Variants in GRIN2A observed in about 807,000 individuals in gnomAD.
The protein encoded by GRIN2A is glutamate ionotropic receptor NMDA type subunit 2A, also known as glutamate receptor ionotropic, NMDA 2A.
In GRIN2A, 22 loss-of-function variants were observed where a neutral mutation model predicts 113.4. The ratio of observed to expected loss-of-function variants is 0.19; its 90% confidence interval spans 0.14 to 0.28. GRIN2A has a LOEUF of 0.28. Among genes scored for constraint, GRIN2A ranks in the 10% least tolerant of loss-of-function variants. The pLI, the probability that GRIN2A is intolerant of heterozygous loss-of-function variation, is 1.00. For synonymous variants in GRIN2A, 827 were observed against 738.4 expected (o/e 1.12, Z -1.94); for missense variants, 1,502 against 1,887.0 (o/e 0.80, Z 3.78).
chr16:10,153,191 A>G (rs1034424045), intron 2 of GRIN2A, among the ~76,000 whole-genome samples: 3 of 152,200 alleles, frequency 2.0e-5, no homozygotes, highest in African/African-American at 7.2e-5. Context: ...AGGGATGGCT[A>G]TTCATGTGTA....
At chr16:10,011,549 G>A (rs2046505776) in intron 2 of GRIN2A, among the ~76,000 whole-genome samples, 1 of 152,154 alleles carries the variant, frequency 6.6e-6, no homozygotes, top group East Asian at 1.9e-4. Flanking sequence ...CAAGGTCAGG[G>A]CCGATTCACT....
chr16:9,981,390 T>G (rs1340788263), intron 2 of GRIN2A, among the ~76,000 whole-genome samples: 1 of 152,184 alleles, frequency 6.6e-6, no homozygotes, highest in Non-Finnish European at 1.5e-5. Flanking sequence ...TTTTTAAACT[T>G]GTCATCATGG....
chr16:9,824,384 G>A (rs1451777339), intron 9 of GRIN2A, among the ~76,000 whole-genome samples: 3 of 152,222 alleles, frequency 2.0e-5, no homozygotes. Context: ...TAATAGTGCT[G>A]TTCATAAATC....
intron 2 of GRIN2A, among the ~76,000 whole-genome samples, chr16:10,095,653 G>T (rs956873996): frequency 6.6e-6 from 1 of 152,052 alleles, no homozygotes; most frequent in African/African-American, 2.4e-5. Context: ...TCTTCCTAGT[G>T]CAGGTTTCTA....
At chr16:10,116,360 G>T (rs1038098328) in intron 2 of GRIN2A, among the ~76,000 whole-genome samples, 2 of 152,192 alleles carry the variant, frequency 1.3e-5, no homozygotes. Context: ...TAATGCATAT[G>T]GGGCTTAATA....
At chr16:9,765,739 C>T (rs1402832094) in intron 12 of GRIN2A, among the ~76,000 whole-genome samples, 1 of 152,122 alleles carries the variant, frequency 6.6e-6, no homozygotes, top group Non-Finnish European at 1.5e-5. Flanking sequence ...CAATCTATTC[C>T]TTGTGTGTTT....
At chr16:9,882,681 G>A (rs780379050) in intron 4 of GRIN2A, among the ~76,000 whole-genome samples, 14 of 152,094 alleles carry the variant, frequency 9.2e-5, no homozygotes, top group Non-Finnish European at 2.1e-4. Context: ...CAGCTACTTG[G>A]GAGGTTGAGG....
At chr16:9,898,052 T>TC (rs1247663023) in intron 3 of GRIN2A, among the ~76,000 whole-genome samples, 162 of 119,146 alleles carry the variant, frequency 1.4e-3, no homozygotes, top group Middle Eastern at 4.1e-3. Context: ...AGCCTCCATT[T>TC]CCTTTTTTTT....
At chr16:9,888,281 G>C (rs2043626048) in intron 4 of GRIN2A, among the ~76,000 whole-genome samples, 1 of 152,262 alleles carries the variant, frequency 6.6e-6, no homozygotes, top group South Asian at 2.1e-4. Context: ...ATGAGCAAAA[G>C]TTTTTAATTT....
intron 4 of GRIN2A, among the ~76,000 whole-genome samples, chr16:9,887,465 C>T (rs144816579): frequency 2.0e-5 from 3 of 152,152 alleles, no homozygotes; most frequent in Non-Finnish European, 4.4e-5. Context: ...TATAATCTTT[C>T]GTGTCTTTCT....
chr16:10,111,832 G>T, intron 2 of GRIN2A: 1 of 1,222,946 alleles, frequency 8.2e-7, no homozygotes, highest in East Asian at 2.4e-5. Flanking sequence ...GGGCACCATG[G>T]GGAGCAAGTT....
intron 2 of GRIN2A, among the ~76,000 whole-genome samples, chr16:10,015,252 C>CA (rs200124835): frequency 0.025 from 491 of 19,302 alleles, 67 homozygotes; most frequent in East Asian, 0.21. Context: ...GACTTCATCT[C>CA]AAAAAAAAAA....
chr16:10,072,261 A>G (rs1178839960), intron 2 of GRIN2A, among the ~76,000 whole-genome samples: 1 of 152,204 alleles, frequency 6.6e-6, no homozygotes, highest in Non-Finnish European at 1.5e-5. Context: ...ATCCCTTGCA[A>G]TTCTGTACCT....
chr16:9,855,006 G>GTC (rs1220872559), intron 4 of GRIN2A, among the ~76,000 whole-genome samples: 156 of 152,082 alleles, frequency 1.0e-3, no homozygotes, highest in African/African-American at 3.5e-3. Context: ...GTGTGTGTGT[G>GTC]TGTGTGTGTG....
At chr16:9,873,583 G>C (rs547457814) in intron 4 of GRIN2A, among the ~76,000 whole-genome samples, 13 of 152,164 alleles carry the variant, frequency 8.5e-5, no homozygotes, top group African/African-American at 3.1e-4. Flanking sequence ...AAACAGAAAA[G>C]AAACATCTGT....
chr16:10,119,872 A>C (rs11640415), intron 2 of GRIN2A, among the ~76,000 whole-genome samples: 128,231 of 152,070 alleles, frequency 0.84, 54,876 homozygotes, highest in East Asian at 0.92. Context: ...GCTAAGGATA[A>C]TGGCCTCTGG....
intron 10 of GRIN2A, among the ~76,000 whole-genome samples, chr16:9,812,159 T>A (rs2042098853): frequency 6.6e-6 from 1 of 152,160 alleles, no homozygotes; most frequent in Admixed American, 6.5e-5. Context: ...GGCTCTGGCG[T>A]AAGATTGATC....
chr16:9,819,371 A>G (rs1249739907), intron 10 of GRIN2A, among the ~76,000 whole-genome samples: 3 of 151,892 alleles, frequency 2.0e-5, no homozygotes, highest in Non-Finnish European at 4.4e-5. Context: ...AAACACAAAC[A>G]TTAGCCAGGT....
rs371677211 is a variant in GRIN2A, at chr16:9,878,197, G to C, written c.1122+12789C>G. Among the ~76,000 whole-genome samples the C allele has an allele frequency of 1.1e-4, 16 of 152,102 alleles. No homozygotes were observed. In the East Asian group the frequency reaches 1.5e-3, roughly 15 times the overall value. On this transcript the variant is annotated intron_variant, in intron 4 of 12. Coordinates refer to ENST00000330684, the MANE Select transcript of GRIN2A (RefSeq NM_001134407.3). The stretch of plus-strand genomic sequence containing the variant: ...TCCTTAACAATTTGGGTTTGCGACT[G>C]GGATGGAGAAGAATGTTCCATATGA...
Sources: allele counts gnomAD v4.1 joint callset (sites outside exome capture counted in the v4.1 genomes callset), GRCh38; gene constraint gnomAD v4.1.1; transcripts MANE v1.5; gene names NCBI Gene and HGNC (gene_info 2026-07-23, HGNC 2026-07-21).